Variants in TPM1 observed in about 807,000 individuals in gnomAD.
TPM1 encodes tropomyosin 1.
A neutral mutation model predicts 42.9 loss-of-function variants in TPM1; 24 were observed. That is an observed-to-expected ratio of 0.56 (90% CI 0.41 to 0.79). The LOEUF is 0.79. Among genes scored for constraint, TPM1 ranks in the 30% least tolerant of loss-of-function variants. The pLI is 0.00. For missense variants in TPM1, 158 were observed against 351.8 expected (o/e 0.45, Z 4.41); for synonymous variants, 136 against 130.1 (o/e 1.05, Z -0.31).
chr15:63,070,787 G>C, downstream of TPM1: 1 of 1,210,494 alleles, frequency 8.3e-7, no homozygotes, highest in Non-Finnish European at 1.0e-6. Context: ...ACCTCTCCCT[G>C]TTCCCACGGC....
intron 5 of TPM1, 167 bp from the exon 6 acceptor site, chr15:63,061,546 A>G (rs2035630499): frequency 9.1e-6 from 7 of 765,734 alleles, no homozygotes; most frequent in Non-Finnish European, 1.6e-5. Flanking sequence ...GTTGGGGGGC[A>G]GTGTTCCTGG....
At chr15:63,070,710 T>G (rs1449083734), downstream of TPM1, 4 of 1,051,370 alleles carry the variant, frequency 3.8e-6, no homozygotes, top group African/African-American at 6.8e-5. Context: ...TGCCTGTACC[T>G]TGGAAATGTC....
chr15:63,048,480 G>C, intron 2 of TPM1: 1 of 1,423,898 alleles, frequency 7.0e-7, no homozygotes, highest in Non-Finnish European at 9.1e-7. Context: ...GGGCGGACCG[G>C]CGCTGGGCAG....
chr15:63,070,672 G>A (rs1330417759), downstream of TPM1: 5 of 1,005,698 alleles, frequency 5.0e-6, no homozygotes, highest in East Asian at 5.1e-4. Flanking sequence ...GTGAGTTTGT[G>A]TTACCGCACA....
At chr15:63,069,596 C>G (rs1273908067), downstream of TPM1, among the ~76,000 whole-genome samples, 1 of 152,220 alleles carries the variant, frequency 6.6e-6, no homozygotes, top group Non-Finnish European at 1.5e-5. Flanking sequence ...AACATTCACT[C>G]TTCTTCCTCC....
downstream of TPM1, among the ~76,000 whole-genome samples, chr15:63,067,362 T>A (rs1451782032): frequency 6.6e-6 from 1 of 152,256 alleles, no homozygotes; most frequent in African/African-American, 2.4e-5. Flanking sequence ...CTTCCATGAT[T>A]TCATGCTTTT....
intron 2 of TPM1, 21 bp from the exon 3 acceptor site, chr15:63,056,964 T>C (rs761654423): frequency 1.9e-6 from 3 of 1,614,076 alleles, no homozygotes; most frequent in Non-Finnish European, 2.5e-6. Context: ...AACTCTGAAA[T>C]GCTTTTCACT....
At chr15:63,062,137 C>G in intron 6 of TPM1, 78 bp from the exon 7 acceptor site, 1 of 1,305,194 alleles carries the variant, frequency 7.7e-7, no homozygotes. Flanking sequence ...GTTGGCTGAG[C>G]TGGCGAGTTC....
At chr15:63,048,596 G>T (rs1490067053) in intron 2 of TPM1, 1 of 1,531,874 alleles carries the variant, frequency 6.5e-7, no homozygotes. Flanking sequence ...GTAGCTCGCT[G>T]GAGGCGGTGC....
exon 9 of TPM1, chr15:63,071,291 T>TA: frequency 8.5e-7 from 1 of 1,175,822 alleles, no homozygotes; most frequent in South Asian, 1.3e-5. Context: ...ATCCACAAGA[T>TA]ACCAGCTAGG....
chr15:63,044,370 C>T, intron 2 of TPM1: 1 of 723,244 alleles, frequency 1.4e-6, no homozygotes, highest in Non-Finnish European at 2.3e-6. Context: ...TTTCCTTTAC[C>T]TCCCTGGGGG....
chr15:63,067,869 T>C (rs1037223261), downstream of TPM1, among the ~76,000 whole-genome samples: 1 of 152,200 alleles, frequency 6.6e-6, no homozygotes, highest in Non-Finnish European at 1.5e-5. Context: ...GGGAAAACAC[T>C]TCCAAGGATA....
intron 2 of TPM1, among the ~76,000 whole-genome samples, chr15:63,055,424 G>C (rs770222733): frequency 3.9e-5 from 6 of 152,220 alleles, no homozygotes; most frequent in African/African-American, 1.4e-4. Context: ...AAGGTTCTCA[G>C]ATTCCTTTGA....
chr15:63,048,960 T>A (rs1178403996), intron 2 of TPM1: 1 of 541,574 alleles, frequency 1.8e-6, no homozygotes, highest in Non-Finnish European at 3.3e-6. Flanking sequence ...TTGAGAAGGT[T>A]CTGGAAGGAG....
At chr15:63,059,870 C>T (rs1224554346) in intron 4 of TPM1, 190 bp downstream of exon 4, 1 of 446,488 alleles carries the variant, frequency 2.2e-6, no homozygotes, top group African/African-American at 2.0e-5. Context: ...GGATCCCAGG[C>T]TTTATCAGGA....
At chr15:63,069,197 G>A (rs1258945448), downstream of TPM1, among the ~76,000 whole-genome samples, 1 of 152,160 alleles carries the variant, frequency 6.6e-6, no homozygotes, top group Non-Finnish European at 1.5e-5. Flanking sequence ...TCAGTGTTGA[G>A]TGGTGACAAG....
chr15:63,048,264 G>C (rs1322373864), intron 2 of TPM1: 3 of 550,592 alleles, frequency 5.4e-6, no homozygotes, highest in East Asian at 1.2e-4. Context: ...CAGCTCACCA[G>C]GTACCCCCGC....
chr15:63,066,019 G>C lies in TPM1; in HGVS notation c.*120G>C, dbSNP rs1310691444. 3 of 1,552,838 alleles carry C rather than the reference G, an allele frequency of 1.9e-6. No homozygotes were observed. In the Admixed American group the frequency reaches 5.8e-5, roughly 30 times the overall value. ...TTCTCTCTCTTAGCATCCTGCCTTAGAGCCAGGCACACACTGTGCTTTCTA... is the reference window on the plus strand; with the variant it reads ...TTCTCTCTCTTAGCATCCTGCCTTACAGCCAGGCACACACTGTGCTTTCTA... On this transcript the variant is annotated 3_prime_UTR_variant, in exon 10 of 10. Coordinates refer to ENST00000403994, the MANE Select transcript of TPM1 (RefSeq NM_001018005.2).
At chr15:63,055,871 C>CA (rs2034698365) in intron 2 of TPM1, 2 of 152,142 alleles carry the variant, frequency 1.3e-5, no homozygotes, top group Admixed American at 1.3e-4. Context: ...AGGCTCATAG[C>CA]AACAATTTCT....
Sources: allele counts gnomAD v4.1 joint callset (sites outside exome capture counted in the v4.1 genomes callset), GRCh38; gene constraint gnomAD v4.1.1; transcripts MANE v1.5; gene names NCBI Gene and HGNC (gene_info 2026-07-23, HGNC 2026-07-21).